The following AUTS2 variants were observed in gnomAD, a reference collection of about 807,000 sequenced individuals.
AUTS2 encodes the protein activator of transcription and developmental regulator AUTS2.
AUTS2 carries 17 observed loss-of-function variants against 112.4 expected under a neutral mutation model. The ratio of observed to expected loss-of-function variants is 0.15; its 90% CI spans 0.10 to 0.23. AUTS2 has a LOEUF of 0.23. Ranked by LOEUF, AUTS2 falls within the 10% of genes least tolerant of loss-of-function variation. AUTS2 has a pLI of 1.00. For synonymous variants in AUTS2, 751 were observed against 702.7 expected, an observed-to-expected ratio of 1.07 and a Z score of -1.09; for missense variants, 1,510 against 1,701.6, an observed-to-expected ratio of 0.89 and a Z score of 1.98.
At chr7:69,614,340 C>CTTTCTTTCTTTCTTTCTTAA in intron 1 of AUTS2, among the ~76,000 whole-genome samples, 1 of 60,462 alleles carries the variant, frequency 1.7e-5, no homozygotes, top group South Asian at 6.3e-4. Context: ...TTCTTTCTTT[C>CTTTCTTTCTTTCTTTCTTAA]TTTCTTTCTT....
At chr7:70,601,186 A>C (rs985814920) in intron 5 of AUTS2, among the ~76,000 whole-genome samples, 28 of 152,240 alleles carry the variant, frequency 1.8e-4, no homozygotes, top group African/African-American at 6.0e-4. Flanking sequence ...ACACTTGTTA[A>C]TATCTGTCCT....
chr7:69,808,008 A>G (rs1790384993), intron 1 of AUTS2, among the ~76,000 whole-genome samples: 1 of 143,172 alleles, frequency 7.0e-6, no homozygotes, highest in Non-Finnish European at 1.5e-5. Context: ...CAGTGGCACG[A>G]TCTCCCAGGT....
chr7:69,618,288 C>T (rs573166371), intron 1 of AUTS2, among the ~76,000 whole-genome samples: 3 of 152,270 alleles, frequency 2.0e-5, no homozygotes, highest in South Asian at 2.1e-4. Flanking sequence ...GGGAGTAATA[C>T]CAACTTGTCA....
intron 4 of AUTS2, among the ~76,000 whole-genome samples, chr7:70,271,503 A>G (rs990719415): frequency 6.6e-6 from 1 of 152,204 alleles, no homozygotes; most frequent in Non-Finnish European, 1.5e-5. Context: ...TAAAAATACC[A>G]TGACAATTTC....
intron 4 of AUTS2, among the ~76,000 whole-genome samples, chr7:70,234,226 T>C (rs1812201723): frequency 6.6e-6 from 1 of 152,190 alleles, no homozygotes; most frequent in Non-Finnish European, 1.5e-5. Context: ...TTATATCATA[T>C]TTATTTAGAC....
chr7:70,408,749 C>A (rs1040422568), intron 4 of AUTS2, among the ~76,000 whole-genome samples: 1 of 152,224 alleles, frequency 6.6e-6, no homozygotes, highest in Admixed American at 6.5e-5. Context: ...TAGTTAGGAG[C>A]TGTGTACTAT....
At chr7:69,625,520 T>G (rs890737184) in intron 1 of AUTS2, among the ~76,000 whole-genome samples, 2 of 150,872 alleles carry the variant, frequency 1.3e-5, no homozygotes, top group Admixed American at 1.3e-4. Flanking sequence ...TGGGGTGGAG[T>G]GTTGGTTAAA....
At chr7:69,629,904 G>T (rs1389030606) in intron 1 of AUTS2, among the ~76,000 whole-genome samples, 1 of 152,060 alleles carries the variant, frequency 6.6e-6, no homozygotes, top group Non-Finnish European at 1.5e-5. Context: ...TTTCAGTTTT[G>T]TGGGACAGAG....
intron 5 of AUTS2, among the ~76,000 whole-genome samples, chr7:70,591,136 G>A (rs1408433284): frequency 1.3e-5 from 2 of 152,114 alleles, no homozygotes; most frequent in Non-Finnish European, 2.9e-5. Flanking sequence ...AGAGGCTGCT[G>A]ATACCCACCC....
chr7:69,877,444 G>A (rs1180477934), intron 1 of AUTS2, among the ~76,000 whole-genome samples: 1 of 152,148 alleles, frequency 6.6e-6, no homozygotes, highest in Admixed American at 6.5e-5. Context: ...AATAAAGAAT[G>A]AGATGCATAT....
At chr7:70,303,259 A>G (rs147348652) in intron 4 of AUTS2, among the ~76,000 whole-genome samples, 3 of 152,282 alleles carry the variant, frequency 2.0e-5, no homozygotes, top group Admixed American at 1.3e-4. Flanking sequence ...AGGGGGTGAC[A>G]AATGGCTGCT....
At chr7:69,870,339 A>G (rs966133558) in intron 1 of AUTS2, among the ~76,000 whole-genome samples, 3 of 150,982 alleles carry the variant, frequency 2.0e-5, no homozygotes, top group Admixed American at 1.3e-4. Context: ...TAGGTTAAAA[A>G]TTATGTAGAT....
At chr7:70,098,287 C>T (rs1241737136) in intron 2 of AUTS2, among the ~76,000 whole-genome samples, 1 of 152,118 alleles carries the variant, frequency 6.6e-6, no homozygotes, top group African/African-American at 2.4e-5. Flanking sequence ...TACGGCCTTC[C>T]CCAAGTGGCA....
At chr7:70,685,610 A>G (rs1348250936) in intron 5 of AUTS2, among the ~76,000 whole-genome samples, 1 of 152,152 alleles carries the variant, frequency 6.6e-6, no homozygotes, top group Non-Finnish European at 1.5e-5. Context: ...GAGAACTCCC[A>G]AAAAGGTAGT....
chr7:69,978,360 G>A (rs1798143638), intron 2 of AUTS2, among the ~76,000 whole-genome samples: 1 of 151,974 alleles, frequency 6.6e-6, no homozygotes, highest in South Asian at 2.1e-4. Context: ...AATAAGACTG[G>A]AATTACTAAT....
At chr7:69,685,145 C>A (rs1860488) in intron 1 of AUTS2, among the ~76,000 whole-genome samples, 3 of 152,072 alleles carry the variant, frequency 2.0e-5, no homozygotes, top group Non-Finnish European at 4.4e-5. Context: ...GGCTCTCTCC[C>A]TAAGGCAGCT....
chr7:69,711,857 G>A (rs1798343283), intron 1 of AUTS2, among the ~76,000 whole-genome samples: 1 of 152,070 alleles, frequency 6.6e-6, no homozygotes, highest in African/African-American at 2.4e-5. Context: ...ATTATGTGTG[G>A]TATTTTACAG....
At chr7:69,903,885 G>T (rs1795059530) in intron 2 of AUTS2, among the ~76,000 whole-genome samples, 1 of 152,124 alleles carries the variant, frequency 6.6e-6, no homozygotes, top group African/African-American at 2.4e-5. Context: ...AGTTGATCTG[G>T]GTAGGTATTT....
chr7:69,915,806 A>C (rs976853650), intron 2 of AUTS2, among the ~76,000 whole-genome samples: 23 of 152,066 alleles, frequency 1.5e-4, no homozygotes, highest in Non-Finnish European at 2.8e-4. Context: ...GGCTCACTGT[A>C]CCCTCTGCCC....
Sources: gnomAD v4.1 joint callset for allele counts (sites outside exome capture counted in the v4.1 genomes callset) on GRCh38, gnomAD v4.1.1 for gene constraint, MANE v1.5 for transcripts, NCBI Gene and HGNC (gene_info 2026-07-23, HGNC 2026-07-21) for gene names.